Variants in ABCA1 observed in about 807,000 individuals in gnomAD.
ABCA1 encodes ATP binding cassette subfamily A member 1.
Under a neutral mutation model 262.5 loss-of-function variants are expected in ABCA1, and 133 were observed. The observed-to-expected ratio is 0.51, with a 90% CI of 0.44 to 0.59. The LOEUF is 0.59. Among genes scored for constraint, ABCA1 ranks in the 20% least tolerant of loss-of-function variants. The probability of loss-of-function intolerance (pLI) is 0.00; values close to 1 mark genes in which losing one functional copy is unlikely to be tolerated. For missense variants in ABCA1, 2,452 were observed against 2,777.5 expected (o/e 0.88, Z 2.63); for synonymous variants, 1,022 against 1,043.5 (o/e 0.98, Z 0.40).
chr9:104,832,681 C>G lies in ABCA1; in HGVS notation c.1402G>C (p.Ala468Pro), dbSNP rs779892913. The change falls in exon 12 of 50, where the codon GCC becomes CCC. Residue 468 changes from alanine (A) to proline (P), a missense_variant. This residue lies in a region of ABCA1 where 1,032 missense variants were observed against 1,089.7 expected (regional missense o/e 0.95). Coordinates refer to ENST00000374736, the MANE Select transcript of ABCA1 (RefSeq NM_005502.4). ...GACTGGACATCCTCTGGGTGCTTGG[C>G]CAAAAACGCCACGATGTCTTGGGCT... ...WTAQDIVAFLAKHPEDVQSSN... is the reference protein window; with the variant it reads ...WTAQDIVAFLPKHPEDVQSSN... 1.2e-6 allele frequency: 2 copies of G among 1,614,120 alleles called. No individual in the cohort carries two copies. The highest frequency in any genetic ancestry group is 1.7e-6 in the Non-Finnish European group (2 of 1,180,032).
chr9:104,785,263 A>C (rs1828822067), intron 49 of ABCA1, 133 bp downstream of exon 49: 2 of 1,210,890 alleles, frequency 1.7e-6, no homozygotes, highest in Non-Finnish European at 1.2e-6. Context: ...AGTAAAAAGC[A>C]TAGCTAGGAA....
At chr9:104,890,055 A>T (rs1839573087) in intron 2 of ABCA1, among the ~76,000 whole-genome samples, 1 of 152,182 alleles carries the variant, frequency 6.6e-6, no homozygotes, top group Admixed American at 6.5e-5. Context: ...ACACAATATA[A>T]TTGAGCCAGT....
intron 29 of ABCA1, 147 bp from the exon 30 acceptor site, chr9:104,809,711 C>T: frequency 1.3e-6 from 1 of 778,038 alleles, no homozygotes. Flanking sequence ...CAGAAACCAC[C>T]CAGAAGGATC....
chr9:104,785,939 A>G (rs1204602943), intron 48 of ABCA1, among the ~76,000 whole-genome samples: 1 of 152,222 alleles, frequency 6.6e-6, no homozygotes, highest in Non-Finnish European at 1.5e-5. Flanking sequence ...CTCAGAGCTC[A>G]TAATTGGTAG....
chr9:104,862,518 G>A (rs138958563), intron 5 of ABCA1, among the ~76,000 whole-genome samples: 251 of 151,988 alleles, frequency 1.7e-3, no homozygotes, highest in African/African-American at 6.0e-3. Flanking sequence ...GAGATTTAAA[G>A]CTTTATTCCC....
chr9:104,884,228 A>C (rs1219289246), intron 4 of ABCA1, among the ~76,000 whole-genome samples, 199 bp downstream of exon 4: 7 of 152,202 alleles, frequency 4.6e-5, no homozygotes, highest in African/African-American at 7.2e-5. Flanking sequence ...AGAAATGATA[A>C]ATACTCGAGG....
At chr9:104,848,282 G>A (rs1297663296) in intron 7 of ABCA1, among the ~76,000 whole-genome samples, 3 of 152,134 alleles carry the variant, frequency 2.0e-5, no homozygotes, top group Non-Finnish European at 4.4e-5. Flanking sequence ...TGAGGTTTGG[G>A]GAGCTACTGT....
rs773617153 is a variant in ABCA1, at chr9:104,824,594, A to T, written c.2543-16T>A. 2 of 1,612,762 alleles carry T rather than the reference A, an allele frequency of 1.2e-6. No individual in the cohort carries two copies. The highest frequency in any genetic ancestry group is 1.7e-6 in the Non-Finnish European group (2 of 1,179,844). On this transcript the variant is annotated splice_polypyrimidine_tract_variant and intron_variant, in intron 17 of 49. Transcript: ENST00000374736. ...CCGTACTGGCCTGAAAGCAAAGCAC[A>T]GGTATGAGCCAAGCTCAGCATCATC...
At chr9:104,812,489 C>T (rs1431613165) in intron 28 of ABCA1, 85 bp downstream of exon 28, 9 of 1,560,330 alleles carry the variant, frequency 5.8e-6, no homozygotes, top group Non-Finnish European at 7.9e-6. Flanking sequence ...ATATCTTGAC[C>T]AGGATGCTAT....
At chr9:104,865,503 G>A (rs1252951429) in intron 5 of ABCA1, among the ~76,000 whole-genome samples, 17 of 136,240 alleles carry the variant, frequency 1.2e-4, no homozygotes, top group Admixed American at 5.0e-4. Context: ...GTGACAGAGC[G>A]AGACTCTGTC....
At chr9:104,927,021 G>C (rs1390205257) in intron 1 of ABCA1, among the ~76,000 whole-genome samples, 1 of 152,048 alleles carries the variant, frequency 6.6e-6, no homozygotes, top group African/African-American at 2.4e-5. Context: ...AGACCAGCCT[G>C]GCCAACAAGT....
intron 1 of ABCA1, among the ~76,000 whole-genome samples, chr9:104,906,208 T>C (rs1421834813): frequency 6.6e-6 from 1 of 152,176 alleles, no homozygotes; most frequent in Non-Finnish European, 1.5e-5. Context: ...TCTGGAAAGA[T>C]AGGAGGGGCA....
chr9:104,903,435 A>G (rs1840830556), intron 2 of ABCA1, among the ~76,000 whole-genome samples, 179 bp downstream of exon 2: 2 of 152,308 alleles, frequency 1.3e-5, no homozygotes, highest in South Asian at 4.1e-4. Flanking sequence ...TCTGCCCTCT[A>G]TGATAAGCCA....
chr9:104,819,538 C>T (rs776839159), intron 22 of ABCA1, 48 bp downstream of exon 22: 52 of 1,612,944 alleles, frequency 3.2e-5, no homozygotes, highest in Non-Finnish European at 3.6e-5. Flanking sequence ...TCAAAAGCCC[C>T]CCGCTCTCTC....
intron 20 of ABCA1, 42 bp downstream of exon 20, chr9:104,821,333 C>T: frequency 6.2e-7 from 1 of 1,609,578 alleles, no homozygotes; most frequent in Non-Finnish European, 8.5e-7. Context: ...GACACACACA[C>T]ATCCAGAAAA....
chr9:104,908,342 T>C (rs951425137), intron 1 of ABCA1, among the ~76,000 whole-genome samples: 1 of 152,192 alleles, frequency 6.6e-6, no homozygotes, highest in African/African-American at 2.4e-5. Flanking sequence ...TGGAAACAAT[T>C]AGTTGTCGAA....
intron 6 of ABCA1, among the ~76,000 whole-genome samples, chr9:104,859,034 C>G (rs1836099546): frequency 6.6e-6 from 1 of 152,194 alleles, no homozygotes; most frequent in Non-Finnish European, 1.5e-5. Flanking sequence ...AGTCTGAATT[C>G]CTGGAACCAC....
intron 5 of ABCA1, among the ~76,000 whole-genome samples, chr9:104,877,985 T>C (rs1214461064): frequency 1.3e-5 from 2 of 152,246 alleles, no homozygotes; most frequent in African/African-American, 2.4e-5. Flanking sequence ...TTCCATGAAA[T>C]TGCAATTGGA....
At position 104,806,311 on chromosome 9, in the gene ABCA1, C is replaced by A; in HGVS notation, c.4394G>T (p.Cys1465Phe). 6.2e-7 allele frequency: 1 copy of A among 1,614,158 alleles called. No individual in the cohort carries two copies. The highest frequency in any genetic ancestry group is 8.5e-7 in the Non-Finnish European group (1 of 1,180,034). Reference protein sequence around the residue: ...TMQNPSPACQCSSDKIKKMLP... With the variant: ...TMQNPSPACQFSSDKIKKMLP... ...CATCTTCTTGATTTTGTCGCTGCTA[C>A]ACTGGCATGCAGGTGAAGGGTTCTG... Residue 1465 changes from cysteine (C) to phenylalanine (F), a missense_variant, in exon 31 of 50, where the codon TGT (cysteine) becomes TTT (phenylalanine). Physicochemically the swap from Cys to Phe is radical, Grantham distance 205. This residue lies in a region of ABCA1 where 665 missense variants were observed against 727.3 expected (regional missense o/e 0.91). Coordinates refer to ENST00000374736, the MANE Select transcript of ABCA1 (RefSeq NM_005502.4).
Sources: allele counts gnomAD v4.1 joint callset (sites outside exome capture counted in the v4.1 genomes callset), GRCh38; gene constraint gnomAD v4.1.1; regional missense constraint gnomAD v4.1.1; transcripts MANE v1.5; gene names NCBI Gene and HGNC (gene_info 2026-07-23, HGNC 2026-07-21).